Variants in PPM1H observed in about 807,000 individuals in gnomAD.
The protein encoded by PPM1H is protein phosphatase 1H.
PPM1H carries 27 observed loss-of-function variants against 54.9 expected under a neutral mutation model. That is an observed-to-expected ratio of 0.49 (90% CI 0.36 to 0.68). The LOEUF is 0.68. PPM1H is among the 30% of genes least tolerant of loss of function. PPM1H has a pLI of 0.00. For synonymous variants in PPM1H, 305 were observed against 270.8 expected (o/e 1.13, Z -1.24); for missense variants, 596 against 667.8 (o/e 0.89, Z 1.19).
chr12:62,759,281 A>G (rs564991708), intron 4 of PPM1H, among the ~76,000 whole-genome samples: 1 of 152,340 alleles, frequency 6.6e-6, no homozygotes, highest in South Asian at 2.1e-4. Context: ...CACTCCATGA[A>G]GAGATCCACC....
rs1452688415 is a variant in PPM1H at position 62,807,113 on chromosome 12, AT to A, written c.412-4954del. On this transcript the variant is annotated intron_variant, in intron 2 of 9. Coordinates refer to ENST00000228705, the MANE Select transcript of PPM1H (RefSeq NM_020700.2). ...ATGATGCACGAGCATAGACTCAACC[AT>A]GGCCATGTGGCTGAGTGGGAGAGTG... is the stretch of plus-strand genomic sequence containing the variant. Among the ~76,000 whole-genome samples, 4 of 152,320 alleles carry A rather than the reference AT, an allele frequency of 2.6e-5. No individual in the cohort carries two copies. The East Asian group carries it at 7.7e-4, about 29-fold the overall frequency.
chr12:62,818,278 CTAAA>C (rs1236395734), intron 2 of PPM1H, among the ~76,000 whole-genome samples: 2 of 152,116 alleles, frequency 1.3e-5, no homozygotes, highest in African/African-American at 4.8e-5. Flanking sequence ...CCTGGAATGA[CTAAA>C]TATTTGGGAA....
intron 4 of PPM1H, among the ~76,000 whole-genome samples, chr12:62,750,209 C>T (rs539610601): frequency 6.6e-6 from 1 of 152,312 alleles, no homozygotes; most frequent in African/African-American, 2.4e-5. Context: ...TCACCATTAT[C>T]CAATTCCAGG....
intron 4 of PPM1H, among the ~76,000 whole-genome samples, chr12:62,754,336 C>A (rs988703578): frequency 6.6e-6 from 1 of 152,092 alleles, no homozygotes; most frequent in Non-Finnish European, 1.5e-5. Flanking sequence ...GAGGCTGAGA[C>A]GGGAGGATCA....
chr12:62,927,987 A>C (rs1872027136), intron 1 of PPM1H, among the ~76,000 whole-genome samples: 1 of 152,228 alleles, frequency 6.6e-6, no homozygotes, highest in African/African-American at 2.4e-5. Flanking sequence ...CACCAAAGGT[A>C]GGCGTTCCAC....
chr12:62,843,191 G>C (rs557937573), intron 1 of PPM1H, among the ~76,000 whole-genome samples: 145 of 152,048 alleles, frequency 9.5e-4, no homozygotes, highest in African/African-American at 3.4e-3. Flanking sequence ...TGGTGCGTGC[G>C]TATAGTCCCA....
At chr12:62,648,757 C>T (rs111970382) in intron 9 of PPM1H, 121 bp from the exon 10 acceptor site, 51,688 of 1,107,982 alleles carry the variant, frequency 0.047, 1,416 homozygotes, top group Middle Eastern at 0.062. Flanking sequence ...AATACACTTA[C>T]AATACGAAAA....
At chr12:62,811,804 C>T (rs1332028701) in intron 2 of PPM1H, among the ~76,000 whole-genome samples, 1 of 152,186 alleles carries the variant, frequency 6.6e-6, no homozygotes. Context: ...CTGAGGCCTC[C>T]CCAGCCATGC....
At chr12:62,860,194 G>A (rs1869546063) in intron 1 of PPM1H, among the ~76,000 whole-genome samples, 2 of 152,174 alleles carry the variant, frequency 1.3e-5, no homozygotes, top group South Asian at 4.2e-4. Flanking sequence ...AGCAAAGGGG[G>A]GAAAGTCCCT....
intron 9 of PPM1H, among the ~76,000 whole-genome samples, chr12:62,651,223 G>A (rs1220635730): frequency 6.6e-6 from 1 of 152,194 alleles, no homozygotes; most frequent in African/African-American, 2.4e-5. Context: ...ACACTTACGT[G>A]TGAAATGTGC....
intron 1 of PPM1H, among the ~76,000 whole-genome samples, chr12:62,918,076 T>C (rs563229389): frequency 2.0e-5 from 3 of 152,320 alleles, no homozygotes; most frequent in African/African-American, 7.2e-5. Context: ...TGACACTTAC[T>C]CCCACAGCAC....
At chr12:62,872,511 G>A (rs1197902464) in intron 1 of PPM1H, among the ~76,000 whole-genome samples, 1 of 152,200 alleles carries the variant, frequency 6.6e-6, no homozygotes, top group Admixed American at 6.5e-5. Context: ...ATTGATGTCA[G>A]TAGGTGGTAG....
chr12:62,660,381 T>C (rs962057137), intron 9 of PPM1H, among the ~76,000 whole-genome samples: 4 of 152,274 alleles, frequency 2.6e-5, no homozygotes, highest in South Asian at 4.1e-4. Flanking sequence ...AGAACAGCCA[T>C]AGCAAACCTG....
intron 1 of PPM1H, among the ~76,000 whole-genome samples, chr12:62,860,565 T>C (rs1289368782): frequency 6.6e-6 from 1 of 152,192 alleles, no homozygotes; most frequent in Non-Finnish European, 1.5e-5. Flanking sequence ...CTGTTTCATC[T>C]TTCAGATGAA....
intron 4 of PPM1H, among the ~76,000 whole-genome samples, chr12:62,745,756 C>T (rs1044464739): frequency 7.2e-5 from 11 of 151,890 alleles, no homozygotes; most frequent in Admixed American, 6.6e-4. Context: ...TGGAAAGGAC[C>T]CAGAAAAATA....
In PPM1H at chr12:62,742,002, T is replaced by G. The variant is rs150220517; in HGVS notation, c.870-4416A>C. Among the ~76,000 whole-genome samples the G allele has an allele frequency of 2.7e-3, 406 of 150,356 alleles. 2 individuals carry two copies. Among genetic ancestry groups the G allele is most frequent in the Admixed American group, 5.9e-3 (90 of 15,148 alleles). On this transcript the variant is annotated intron_variant, in intron 4 of 9. Transcript: ENST00000228705. The stretch of plus-strand genomic sequence containing the variant: ...GACGGCAGGCCTAAGAGGACAGTGT[T>G]CTGGCTGAGTTGCCACCGAGAAGCT...
At chr12:62,784,894 A>C (rs2076661753) in intron 4 of PPM1H, among the ~76,000 whole-genome samples, 1 of 152,250 alleles carries the variant, frequency 6.6e-6, no homozygotes, top group Non-Finnish European at 1.5e-5. Context: ...GCACATAAAA[A>C]TACCAACTCA....
chr12:62,786,425 G>T (rs1472699462), intron 4 of PPM1H, among the ~76,000 whole-genome samples: 1 of 152,200 alleles, frequency 6.6e-6, no homozygotes, highest in African/African-American at 2.4e-5. Flanking sequence ...GTCCTGGCAG[G>T]CTGACCTCCC....
intron 5 of PPM1H, among the ~76,000 whole-genome samples, chr12:62,730,117 C>G (rs546092094): frequency 6.6e-6 from 1 of 152,188 alleles, no homozygotes; most frequent in Admixed American, 6.5e-5. Context: ...TTTACCTACC[C>G]GAATCCTATA....
Sources: allele counts gnomAD v4.1 joint callset (sites outside exome capture counted in the v4.1 genomes callset), GRCh38; gene constraint gnomAD v4.1.1; transcripts MANE v1.5; gene names NCBI Gene and HGNC (gene_info 2026-07-23, HGNC 2026-07-21).